LIX1: variants seen among roughly 807,000 people sequenced by gnomAD.
LIX1 encodes protein limb expression 1 homolog.
In LIX1, 24 loss-of-function variants were observed where a neutral mutation model predicts 33.4. The observed-to-expected ratio is 0.72, with a 90% CI of 0.52 to 1.01. The LOEUF (loss-of-function observed/expected upper bound fraction) is 1.01, where lower values mean the gene tolerates loss of function less well. Among genes scored for constraint, LIX1 ranks in the 50% least tolerant of loss-of-function variants. The pLI is 0.00. For synonymous variants in LIX1, 124 were observed against 124.0 expected (o/e 1.00, Z 0.00); for missense variants, 311 against 339.2 (o/e 0.92, Z 0.65).
In LIX1 at chr5:97,116,465, A is replaced by G. The variant is rs188642243; in HGVS notation, c.246+8001T>C. ...GGGAGGGGACTGCTCTGGGAGTCCA[A>G]TTTTCAGAGAAAACTCACCAGTTCC... On this transcript the variant is annotated intron_variant, in intron 2 of 5. Transcript: ENST00000274382. 2.6e-5 allele frequency among the ~76,000 whole-genome samples: 4 copies of G among 152,058 alleles called. No homozygotes were observed. The East Asian group carries it at 7.8e-4, about 30-fold the overall frequency.
At chr5:97,109,332 CA>C (rs1430278495) in intron 2 of LIX1, among the ~76,000 whole-genome samples, 1 of 152,140 alleles carries the variant, frequency 6.6e-6, no homozygotes, top group Non-Finnish European at 1.5e-5. Flanking sequence ...TAGCTCACTG[CA>C]ACCTCCACTT....
At chr5:97,119,823 A>G (rs1188999267) in intron 2 of LIX1, among the ~76,000 whole-genome samples, 1 of 151,936 alleles carries the variant, frequency 6.6e-6, no homozygotes, top group Non-Finnish European at 1.5e-5. Context: ...AATTTATGAG[A>G]TGATAGGAAA....
At chr5:97,112,803 A>T in intron 2 of LIX1, among the ~76,000 whole-genome samples, 1 of 138,172 alleles carries the variant, frequency 7.2e-6, no homozygotes. Flanking sequence ...TAAAGTAAAA[A>T]AAAAAAAAAA....
chr5:97,121,445 C>T (rs1747783993), intron 2 of LIX1, among the ~76,000 whole-genome samples: 1 of 152,148 alleles, frequency 6.6e-6, no homozygotes, highest in Non-Finnish European at 1.5e-5. Context: ...CTGCATGTCT[C>T]CTGTACTGTC....
intron 1 of LIX1, among the ~76,000 whole-genome samples, chr5:97,134,050 C>T (rs963335474): frequency 9.2e-5 from 14 of 152,002 alleles, no homozygotes; most frequent in African/African-American, 3.1e-4. Flanking sequence ...TTTCTCTTGT[C>T]GAAAACAAAG....
chr5:97,134,723 T>G (rs191522861), intron 1 of LIX1, among the ~76,000 whole-genome samples: 1 of 152,368 alleles, frequency 6.6e-6, no homozygotes, highest in Admixed American at 6.5e-5. Flanking sequence ...TGGGCTTAGC[T>G]GAACCCCAGG....
intron 1 of LIX1, among the ~76,000 whole-genome samples, chr5:97,129,662 A>G (rs2112793941): frequency 6.6e-6 from 1 of 152,290 alleles, no homozygotes; most frequent in South Asian, 2.1e-4. Context: ...TTATCCTGAG[A>G]TACTCCGTAA....
chr5:97,136,929 G>A (rs1429516989), intron 1 of LIX1, among the ~76,000 whole-genome samples: 1 of 151,914 alleles, frequency 6.6e-6, no homozygotes, highest in Non-Finnish European at 1.5e-5. Flanking sequence ...ATTTGAACAT[G>A]GAGGAAAAGA....
At chr5:97,115,712 A>G (rs139211994) in intron 2 of LIX1, among the ~76,000 whole-genome samples, 143 of 151,976 alleles carry the variant, frequency 9.4e-4, no homozygotes, top group African/African-American at 3.1e-3. Context: ...GGTGCCTCCC[A>G]ATGGTAGCCA....
chr5:97,117,723 A>G (rs531540450), intron 2 of LIX1, among the ~76,000 whole-genome samples: 2 of 152,320 alleles, frequency 1.3e-5, no homozygotes, highest in Non-Finnish European at 2.9e-5. Context: ...GCTCCTTGGA[A>G]AAATAGTTTT....
intron 4 of LIX1, among the ~76,000 whole-genome samples, chr5:97,097,121 A>C (rs1258388330): frequency 6.6e-6 from 1 of 152,216 alleles, no homozygotes; most frequent in Non-Finnish European, 1.5e-5. Flanking sequence ...GAAATGACTA[A>C]ATACTTGACA....
chr5:97,137,008 G>A, intron 1 of LIX1: 1 of 335,960 alleles, frequency 3.0e-6, no homozygotes, highest in South Asian at 2.4e-5. Flanking sequence ...TTTATGAAAG[G>A]CTTCTAAAGT....
chr5:97,138,910 T>C (rs78690474), intron 1 of LIX1, among the ~76,000 whole-genome samples: 213 of 152,280 alleles, frequency 1.4e-3, no homozygotes, highest in African/African-American at 4.8e-3. Context: ...ATTTTCAGAT[T>C]TGGGGTGCTA....
Position 97,096,903 on chromosome 5 carries a change from A to C in LIX1, c.484-16T>G. On this transcript the variant is annotated splice_polypyrimidine_tract_variant and intron_variant, in intron 4 of 5. Coordinates refer to ENST00000274382, the MANE Select transcript of LIX1 (RefSeq NM_153234.5). The stretch of plus-strand genomic sequence containing the variant: ...TCATCAGCTCCTACAAAACCCAAAC[A>C]CCTATCATTGGTCCCAAAGCAGAAA... 6.2e-7 allele frequency: 1 copy of C among 1,603,892 alleles called. No homozygotes were observed. Among genetic ancestry groups the C allele is most frequent in the Non-Finnish European group, 8.5e-7 (1 of 1,170,700 alleles).
At chr5:97,103,762 G>C (rs558526970) in intron 4 of LIX1, among the ~76,000 whole-genome samples, 2 of 152,238 alleles carry the variant, frequency 1.3e-5, no homozygotes, top group Admixed American at 1.3e-4. Context: ...TCAGGAGATG[G>C]AGACCATCCT....
At chr5:97,113,198 T>TCACTCA (rs1423435839) in intron 2 of LIX1, among the ~76,000 whole-genome samples, 1 of 152,228 alleles carries the variant, frequency 6.6e-6, no homozygotes, top group Non-Finnish European at 1.5e-5. Context: ...GATGGGAAGC[T>TCACTCA]GATCCTCCAG....
At chr5:97,115,142 T>C (rs1175588347) in intron 2 of LIX1, among the ~76,000 whole-genome samples, 1 of 152,234 alleles carries the variant, frequency 6.6e-6, no homozygotes, top group African/African-American at 2.4e-5. Context: ...TATGTAATGT[T>C]GAGATTTAAC....
chr5:97,096,331 CTTGTCAGACT>C (rs930664438), intron 5 of LIX1, among the ~76,000 whole-genome samples: 3 of 152,154 alleles, frequency 2.0e-5, no homozygotes, highest in Non-Finnish European at 4.4e-5. Flanking sequence ...TAAATGCCGG[CTTGTCAGACT>C]TTATAATCAT....
intron 2 of LIX1, among the ~76,000 whole-genome samples, chr5:97,109,834 C>T (rs1747281621): frequency 6.6e-6 from 1 of 151,894 alleles, no homozygotes; most frequent in Admixed American, 6.6e-5. Context: ...TATGTGAAAA[C>T]ACAATATTTG....
Sources: allele counts gnomAD v4.1 joint callset (sites outside exome capture counted in the v4.1 genomes callset), GRCh38; gene constraint gnomAD v4.1.1; transcripts MANE v1.5; gene names NCBI Gene and HGNC (gene_info 2026-07-23, HGNC 2026-07-21).